The following TAX1BP1 variants were observed in gnomAD, a reference collection of about 807,000 sequenced individuals.
TAX1BP1 encodes tax1-binding protein 1.
A neutral mutation model predicts 97.7 loss-of-function variants in TAX1BP1; 62 were observed. The ratio of observed to expected loss-of-function variants is 0.63; its 90% CI spans 0.52 to 0.78. TAX1BP1 has a LOEUF of 0.78. TAX1BP1 is among the 30% of genes least tolerant of loss of function. The pLI, the probability that TAX1BP1 is intolerant of heterozygous loss-of-function variation, is 0.00. For missense variants in TAX1BP1, 867 were observed against 916.1 expected (o/e 0.95, Z 0.69); for synonymous variants, 340 against 304.2 (o/e 1.12, Z -1.23).
chr7:27,759,635 G>A (rs11763610), intron 3 of TAX1BP1, among the ~76,000 whole-genome samples: 1 of 151,552 alleles, frequency 6.6e-6, no homozygotes, highest in African/African-American at 2.4e-5. Flanking sequence ...TTCCCCTGGG[G>A]CTGGCTATTA....
intron 2 of TAX1BP1, among the ~76,000 whole-genome samples, chr7:27,753,676 G>T (rs953733147): frequency 1.3e-5 from 2 of 151,812 alleles, no homozygotes; most frequent in South Asian, 2.1e-4. Context: ...ACATGAAATT[G>T]TTATATTACC....
At chr7:27,751,578 A>G (rs1288919627) in intron 2 of TAX1BP1, among the ~76,000 whole-genome samples, 1 of 152,092 alleles carries the variant, frequency 6.6e-6, no homozygotes, top group Non-Finnish European at 1.5e-5. Context: ...TACTTATTTC[A>G]TAAGGTAAGT....
In TAX1BP1 at chr7:27,769,803, A is replaced by G; in HGVS notation, c.581A>G (p.Glu194Gly). Residue 194 changes from glutamate to glycine, a missense_variant, in exon 5 of 17, where the codon GAA becomes GGA. By Grantham distance (98) the Glu-to-Gly change is moderately conservative (BLOSUM62 -2). This residue lies in a region of TAX1BP1 where 822 missense variants were observed against 851.4 expected (regional missense o/e 0.97). Transcript: ENST00000396319. ...RMERELNHEK[E>G]RCDQLQAEQK... Reference sequence around the variant, plus strand: ...GAAAGAGAACTTAACCATGAGAAAGAAAGATGTGACCAACTGCAAGCAGAA... The same window carrying G: ...GAAAGAGAACTTAACCATGAGAAAGGAAGATGTGACCAACTGCAAGCAGAA... 3 of 1,612,432 alleles carry G rather than the reference A, an allele frequency of 1.9e-6. No individual in the cohort carries two copies. The highest frequency in any genetic ancestry group is 2.5e-6 in the Non-Finnish European group (3 of 1,178,930).
At chr7:27,782,469 T>A (rs1179283395) in intron 5 of TAX1BP1, among the ~76,000 whole-genome samples, 1 of 151,988 alleles carries the variant, frequency 6.6e-6, no homozygotes, top group Non-Finnish European at 1.5e-5. Context: ...AGGCAGGTCT[T>A]GAACTACTGA....
At chr7:27,773,692 T>TA (rs1339418258) in intron 5 of TAX1BP1, among the ~76,000 whole-genome samples, 1 of 152,124 alleles carries the variant, frequency 6.6e-6, no homozygotes, top group Non-Finnish European at 1.5e-5. Context: ...ACCCCATCTT[T>TA]ACATTTATCA....
At chr7:27,815,772 A>T (rs1170811067) in intron 13 of TAX1BP1, among the ~76,000 whole-genome samples, 1 of 152,168 alleles carries the variant, frequency 6.6e-6, no homozygotes, top group Non-Finnish European at 1.5e-5. Flanking sequence ...GCAGTGGCTC[A>T]TGCCTGTAAT....
At chr7:27,816,837 A>T in intron 14 of TAX1BP1, 53 bp from the exon 15 acceptor site, 2 of 1,598,406 alleles carry the variant, frequency 1.3e-6, no homozygotes, top group South Asian at 2.2e-5. Flanking sequence ...GTATATACAG[A>T]TGTTAGTTGT....
At chr7:27,778,391 G>A (rs543481529) in intron 5 of TAX1BP1, among the ~76,000 whole-genome samples, 4 of 152,038 alleles carry the variant, frequency 2.6e-5, no homozygotes, top group Admixed American at 1.3e-4. Flanking sequence ...GTAGCTGCTT[G>A]TACTTTATAT....
intron 5 of TAX1BP1, among the ~76,000 whole-genome samples, chr7:27,776,129 A>G (rs1053766403): frequency 3.3e-5 from 5 of 152,228 alleles, no homozygotes; most frequent in African/African-American, 1.2e-4. Flanking sequence ...ATGTAAATTA[A>G]CATTTAGGAA....
Position 27,791,604 on chromosome 7 carries a change from A to C in TAX1BP1, c.1039-402A>C, listed in dbSNP as rs946700271. Among the ~76,000 whole-genome samples the C allele has an allele frequency of 2.6e-5, 4 of 152,176 alleles. 1 individual carries two copies. Among genetic ancestry groups the C allele is most frequent in the African/African-American group, 9.7e-5 (4 of 41,442 alleles). ...AAGTAGGAAACATCTTTTAACCAAAATTTTTGGTGTTACAAAGAAGCTTTC... is the reference window on the plus strand; with the variant it reads ...AAGTAGGAAACATCTTTTAACCAAACTTTTTGGTGTTACAAAGAAGCTTTC... On this transcript the variant is annotated intron_variant, in intron 8 of 16. Transcript: ENST00000396319.
chr7:27,776,478 C>T (rs554348585), intron 5 of TAX1BP1, among the ~76,000 whole-genome samples: 3 of 151,922 alleles, frequency 2.0e-5, no homozygotes, highest in Non-Finnish European at 2.9e-5. Context: ...GTTCTTCTCA[C>T]GTTTATTGTT....
At chr7:27,752,412 CTT>C (rs367833148) in intron 2 of TAX1BP1, among the ~76,000 whole-genome samples, 5 of 152,152 alleles carry the variant, frequency 3.3e-5, no homozygotes, top group African/African-American at 1.2e-4. Flanking sequence ...AATTTTATGA[CTT>C]TTTCCAGAGA....
At chr7:27,744,205 G>A (rs1381458873) in intron 1 of TAX1BP1, among the ~76,000 whole-genome samples, 1 of 152,048 alleles carries the variant, frequency 6.6e-6, no homozygotes, top group African/African-American at 2.4e-5. Context: ...GCTCACTGCA[G>A]GCTCCGCCCC....
intron 15 of TAX1BP1, among the ~76,000 whole-genome samples, chr7:27,825,380 A>G (rs1791139475): frequency 6.6e-6 from 1 of 152,012 alleles, no homozygotes; most frequent in African/African-American, 2.4e-5. Context: ...TGAAGATTTC[A>G]CTCATCATTT....
intron 11 of TAX1BP1, among the ~76,000 whole-genome samples, 157 bp from the exon 12 acceptor site, chr7:27,795,959 C>T (rs1015820807): frequency 7.9e-5 from 12 of 152,154 alleles, no homozygotes; most frequent in Non-Finnish European, 1.3e-4. Flanking sequence ...GTTTATATAT[C>T]CTTCTTTGTA....
intron 15 of TAX1BP1, among the ~76,000 whole-genome samples, chr7:27,820,890 T>G (rs1790947468): frequency 6.6e-6 from 1 of 152,206 alleles, no homozygotes; most frequent in African/African-American, 2.4e-5. Context: ...ACCAGAAGTA[T>G]TTCAGATTTC....
intron 11 of TAX1BP1, 126 bp from the exon 12 acceptor site, chr7:27,795,990 A>G: frequency 1.5e-6 from 1 of 654,708 alleles, no homozygotes; most frequent in South Asian, 2.0e-5. Flanking sequence ...ATGAATAGAT[A>G]TTTCTGTCCT....
chr7:27,742,205 G>A (rs1459203711), intron 1 of TAX1BP1, among the ~76,000 whole-genome samples: 1 of 152,168 alleles, frequency 6.6e-6, no homozygotes, highest in Non-Finnish European at 1.5e-5. Context: ...ACCCTTTACG[G>A]ATGTCGGGCT....
At chr7:27,745,118 C>T (rs1787770416) in intron 1 of TAX1BP1, among the ~76,000 whole-genome samples, 1 of 152,190 alleles carries the variant, frequency 6.6e-6, no homozygotes. Context: ...TGTAGAGGTG[C>T]ACTTTAGAGA....
Sources: gnomAD v4.1 joint callset for allele counts (sites outside exome capture counted in the v4.1 genomes callset) on GRCh38, gnomAD v4.1.1 for gene constraint, gnomAD v4.1.1 regional missense constraint, MANE v1.5 for transcripts, NCBI Gene and HGNC (gene_info 2026-07-23, HGNC 2026-07-21) for gene names.